The following SRC variants were observed in gnomAD, a reference collection of about 807,000 sequenced individuals.
SRC encodes proto-oncogene tyrosine-protein kinase Src.
In SRC, 13 loss-of-function variants were observed where a neutral mutation model predicts 62.9. The ratio of observed to expected loss-of-function variants is 0.21; its 90% confidence interval spans 0.13 to 0.33. SRC has a LOEUF of 0.33. SRC is among the 10% of genes least tolerant of loss of function. The pLI is 1.00. For missense variants in SRC, 457 were observed against 737.3 expected (o/e 0.62, Z 4.40); for synonymous variants, 302 against 317.5 (o/e 0.95, Z 0.52).
intron 1 of SRC, among the ~76,000 whole-genome samples, chr20:37,346,783 G>A (rs1294144859): frequency 6.6e-6 from 1 of 152,314 alleles, no homozygotes; most frequent in Admixed American, 6.5e-5. Flanking sequence ...TGGTGCTGCC[G>A]GCCTGGAAGG....
Position 37,394,452 on chromosome 20 carries a change from G to A in SRC, c.553+175G>A, listed in dbSNP as rs749696933. Among the ~76,000 whole-genome samples, 3 of 152,278 alleles carry A rather than the reference G, an allele frequency of 2.0e-5. No homozygotes were observed. The East Asian group carries it at 5.8e-4, about 29-fold the overall frequency. ...GCATTTGAGGAACACTGAGTAATCC[G>A]CGGTGGCCAGATGTCCAGAGAAAGA... On this transcript the variant is annotated intron_variant, in intron 7 of 13. Transcript: ENST00000373578.
At chr20:37,362,571 C>T (rs1053834667) in intron 1 of SRC, among the ~76,000 whole-genome samples, 19 of 152,250 alleles carry the variant, frequency 1.2e-4, no homozygotes, top group Admixed American at 5.2e-4. Flanking sequence ...GACCAAGGCC[C>T]GGCAGCCCCC....
rs1325122314 is a variant in SRC at position 37,398,931 on chromosome 20, A to G, written c.859+1077A>G. 6.6e-6 allele frequency among the ~76,000 whole-genome samples: 1 copy of G among 152,164 alleles called. No homozygotes were observed. Among genetic ancestry groups the G allele is most frequent in the African/African-American group, 2.4e-5 (1 of 41,448 alleles). On this transcript the variant is annotated intron_variant, in intron 9 of 13. Transcript: ENST00000373578. The surrounding 1 kb of genome is among the most constrained non-coding windows in gnomAD (Gnocchi z 5.2). ...GGCCTGAGCCCCAACCCTCGGACGG[A>G]GGCCCAGCGACTGGGAGGAACGGGC...
intron 1 of SRC, among the ~76,000 whole-genome samples, chr20:37,364,112 G>C (rs2070024688): frequency 6.6e-6 from 1 of 152,158 alleles, no homozygotes; most frequent in South Asian, 2.1e-4. Flanking sequence ...TTCCAGGACT[G>C]GCTGAGAACA....
At position 37,384,507 on chromosome 20, in the gene SRC, T is replaced by C. The variant is rs2147051951; in HGVS notation, c.250+104T>C. ...GCCCCCTCTGCGCAGGCCCTTCCTC[T>C]CGCCAGGGGTAGCGCCCCTGGGTGA... On this transcript the variant is annotated intron_variant, in intron 4 of 13. Transcript: ENST00000373578. This position sits in a 1 kb window ranked among gnomAD's most constrained non-coding sequence, Gnocchi z 6.7. 3 of 940,166 alleles carry C rather than the reference T, an allele frequency of 3.2e-6. No individual in the cohort carries two copies. Among genetic ancestry groups the C allele is most frequent in the East Asian group, 6.3e-5 (1 of 15,840 alleles). The allele number at this position is 940,166 out of a possible 1,614,324, so 58.2% of individuals were successfully genotyped here. A position where few individuals can be genotyped will look rare whatever the true frequency, so the allele number is the denominator to read the frequency against.
intron 1 of SRC, among the ~76,000 whole-genome samples, chr20:37,355,287 A>G (rs2069865199): frequency 6.7e-6 from 1 of 149,452 alleles, no homozygotes; most frequent in Admixed American, 6.7e-5. Context: ...CAGATGAGAC[A>G]TAGTTCTATT....
Position 37,396,450 on chromosome 20 carries a change from T to TCTCTCCTCCCTTTTCCCTCCTTTC in SRC, c.703+142_703+165dup. Reference sequence around the variant, plus strand: ...CACTTCCCCCTCCCCCCTCCCTTCCTCTCTCCTCCCTTTTCCCTCCTTTCC... The same window carrying TCTCTCCTCCCTTTTCCCTCCTTTC: ...CACTTCCCCCTCCCCCCTCCCTTCCTCTCTCCTCCCTTTTCCCTCCTTTCCTCTCCTCCCTTTTCCCTCCTTTCC... On this transcript the variant is annotated intron_variant, in intron 8 of 13. Coordinates refer to ENST00000373578, the MANE Select transcript of SRC (RefSeq NM_198291.3). This position sits in a 1 kb window ranked among gnomAD's most constrained non-coding sequence, Gnocchi z 6.1. 1.0e-6 allele frequency: 1 copy of TCTCTCCTCCCTTTTCCCTCCTTTC among 984,856 alleles called. No individual in the cohort carries two copies. The highest frequency in any genetic ancestry group is 2.7e-5 in the East Asian group (1 of 37,402). The allele number at this position is 984,856 out of a possible 1,614,324, so 61.0% of individuals were successfully genotyped here. A position where few individuals can be genotyped will look rare whatever the true frequency, so the allele number is the denominator to read the frequency against.
In SRC at chr20:37,396,291, A is replaced by G; in HGVS notation, c.683A>G (p.Gln228Arg). ...CGCACCCAGTTCAACAGCCTGCAGC[A>G]GCTGGTGGCCTACTACTCCAGTGAG... ...TSRTQFNSLQ[Q>R]LVAYYSKHAD... Residue 228 changes from glutamine to arginine, a missense_variant, in exon 8 of 14, where the codon CAG becomes CGG. By Grantham distance (43) the Gln-to-Arg change is conservative. This residue lies in a region of SRC where 141 missense variants were observed against 198.4 expected (regional missense o/e 0.71). Transcript: ENST00000373578. The surrounding 1 kb of genome is among the most constrained non-coding windows in gnomAD (Gnocchi z 6.1). 6.2e-7 allele frequency: 1 copy of G among 1,613,716 alleles called. No individual in the cohort carries two copies. The highest frequency in any genetic ancestry group is 8.5e-7 in the Non-Finnish European group (1 of 1,179,972).
rs553892039 is a variant in SRC at position 37,400,009 on chromosome 20, T to C, written c.860-106T>C. The C allele has an allele frequency of 6.1e-6, 7 of 1,140,442 alleles. No homozygotes were observed. In the Admixed American group the frequency reaches 8.6e-5, roughly 14 times the overall value. The allele number at this position is 1,140,442 out of a possible 1,614,324, so 70.6% of individuals were successfully genotyped here. A position where few individuals can be genotyped will look rare whatever the true frequency, so the allele number is the denominator to read the frequency against. On this transcript the variant is annotated intron_variant, in intron 9 of 13. Coordinates refer to ENST00000373578, the MANE Select transcript of SRC (RefSeq NM_198291.3). ...GCTTTGACTGGGTTTGTCACATGGC[T>C]GTGGAGGCCACAGCTGACACTGGCG... is the stretch of plus-strand genomic sequence containing the variant.
In SRC at chr20:37,346,240, C is replaced by CCGCCCGCCGGCCCAGGTGAG. The variant is rs1319932541; in HGVS notation, c.-256_-247+10dup. On this transcript the variant is annotated 5_prime_UTR_variant, in exon 1 of 14. Transcript: ENST00000373578. ...TGCGTCCGTCTGCCGGTGAGCCCGC[C>CCGCCCGCCGGCCCAGGTGAG]CGCCCGCCGGCCCAGGTGAGCGCCC... 6 of 150,838 alleles carry CCGCCCGCCGGCCCAGGTGAG rather than the reference C, an allele frequency of 4.0e-5. No homozygotes were observed. Among genetic ancestry groups the CCGCCCGCCGGCCCAGGTGAG allele is most frequent in the Non-Finnish European group, 8.9e-5 (6 of 67,448 alleles). 9.3% of individuals were successfully genotyped at this position (150,838 alleles called of 1,614,324 possible). A position where few individuals can be genotyped will look rare whatever the true frequency, so the allele number is the denominator to read the frequency against.
chr20:37,372,982 G>A (rs1013295557), intron 2 of SRC, among the ~76,000 whole-genome samples: 8 of 152,030 alleles, frequency 5.3e-5, no homozygotes, highest in African/African-American at 1.9e-4. Flanking sequence ...CCCATTCAGA[G>A]ATATGAAAAT....
In SRC at chr20:37,403,633, A is replaced by G. The variant is rs575257929; in HGVS notation, c.*254A>G. 3.8e-6 allele frequency: 2 copies of G among 531,222 alleles called. No individual in the cohort carries two copies. Among genetic ancestry groups the G allele is most frequent in the Non-Finnish European group, 6.8e-6 (2 of 294,464 alleles). 32.9% of individuals were successfully genotyped at this position (531,222 alleles called of 1,614,324 possible). A position where few individuals can be genotyped will look rare whatever the true frequency, so the allele number is the denominator to read the frequency against. The stretch of plus-strand genomic sequence containing the variant: ...GCTGTGGCCGCACGCCTCTCCCTGC[A>G]CTCCCTCCTGGAGCTCTGTGGGTCT... On this transcript the variant is annotated 3_prime_UTR_variant, in exon 14 of 14. Coordinates refer to ENST00000373578, the MANE Select transcript of SRC (RefSeq NM_198291.3). The surrounding 1 kb of genome is among the most constrained non-coding windows in gnomAD (Gnocchi z 7.1).
chr20:37,357,314 A>G (rs1387011394), intron 1 of SRC, among the ~76,000 whole-genome samples: 3 of 152,224 alleles, frequency 2.0e-5, no homozygotes, highest in Admixed American at 2.0e-4. Flanking sequence ...GCCCTGGCCA[A>G]CATCTGGCTG....
chr20:37,347,390 A>G (rs1317708121), intron 1 of SRC, among the ~76,000 whole-genome samples: 2 of 152,206 alleles, frequency 1.3e-5, no homozygotes, highest in Non-Finnish European at 2.9e-5. Context: ...GACCTGGGCC[A>G]AGAGACTGCC....
chr20:37,348,975 C>T (rs2069761457), intron 1 of SRC, among the ~76,000 whole-genome samples: 1 of 152,060 alleles, frequency 6.6e-6, no homozygotes, highest in African/African-American at 2.4e-5. Flanking sequence ...GGAGCGTGCA[C>T]AATGAAGGGG....
intron 1 of SRC, among the ~76,000 whole-genome samples, chr20:37,363,952 CA>C (rs2070021354): frequency 6.6e-6 from 1 of 152,062 alleles, no homozygotes; most frequent in African/African-American, 2.4e-5. Context: ...GCTCTCCCAT[CA>C]GGGAGAGGAT....
At chr20:37,369,125 C>T (rs1253434241) in intron 2 of SRC, among the ~76,000 whole-genome samples, 2 of 152,198 alleles carry the variant, frequency 1.3e-5, no homozygotes, top group African/African-American at 4.8e-5. Flanking sequence ...AAGTGTGAGT[C>T]CTCAAACTTT....
At chr20:37,374,962 A>T (rs2070254477) in intron 2 of SRC, among the ~76,000 whole-genome samples, 1 of 149,926 alleles carries the variant, frequency 6.7e-6, no homozygotes, top group Non-Finnish European at 1.5e-5. Flanking sequence ...ACAGAGTCTC[A>T]CTTTGTCACC....
rs191592175 is a variant in SRC, at chr20:37,362,717, G to A, written c.-246-2487G>A. ...GGGGCGGCCTGGTGACAGACTCTGG[G>A]ATGGTTCCTGGGGTGGGGTGGGGGG... is the stretch of plus-strand genomic sequence containing the variant. On this transcript the variant is annotated intron_variant, in intron 1 of 13. Coordinates refer to ENST00000373578, the MANE Select transcript of SRC (RefSeq NM_198291.3). Among the ~76,000 whole-genome samples, 352 of 143,438 alleles carry A rather than the reference G, an allele frequency of 2.5e-3. 1 individual carries two copies. The highest frequency in any genetic ancestry group is 0.012 in the South Asian group (47 of 3,936). The allele number at this position is 143,438 out of a possible 152,430, so 94.1% of individuals were successfully genotyped here. A position where few individuals can be genotyped will look rare whatever the true frequency, so the allele number is the denominator to read the frequency against.
Sources: gnomAD v4.1 joint callset for allele counts (sites outside exome capture counted in the v4.1 genomes callset) on GRCh38, gnomAD v4.1.1 for gene constraint, gnomAD v4.1.1 regional missense constraint, Gnocchi (gnomAD v3.1) non-coding constraint, MANE v1.5 for transcripts, NCBI Gene and HGNC (gene_info 2026-07-23, HGNC 2026-07-21) for gene names.